Variants in RHOU observed in about 807,000 individuals in gnomAD.
RHOU encodes the protein rho-related GTP-binding protein RhoU.
In RHOU, 8 loss-of-function variants were observed where a neutral mutation model predicts 12.6. The ratio of observed to expected loss-of-function variants is 0.64; its 90% confidence interval spans 0.37 to 1.15. The LOEUF (loss-of-function observed/expected upper bound fraction) is 1.15. Among genes scored for constraint, RHOU ranks in the 50% most tolerant of loss-of-function variants. The pLI is 0.01. For missense variants in RHOU, 258 were observed against 347.0 expected (o/e 0.74, Z 2.04); for synonymous variants, 161 against 147.4 (o/e 1.09, Z -0.67).
chr1:228,685,880 A>C, the RHOU span, among the ~76,000 whole-genome samples: 1 of 152,182 alleles, frequency 6.6e-6, no homozygotes, highest in African/African-American at 2.4e-5. Flanking sequence ...GCAACCCTTA[A>C]TTATCCCCAG....
At chr1:228,723,786 A>G in the RHOU span, among the ~76,000 whole-genome samples, 1 of 152,278 alleles carries the variant, frequency 6.6e-6, no homozygotes, top group East Asian at 1.9e-4. Flanking sequence ...CAGAATTTAC[A>G]CCATCTTTAC....
chr1:228,724,132 T>C, the RHOU span, among the ~76,000 whole-genome samples: 2 of 152,216 alleles, frequency 1.3e-5, no homozygotes, highest in African/African-American at 4.8e-5. Flanking sequence ...TCGTGGAGTG[T>C]CTGTGTGCTC....
the RHOU span, chr1:228,687,772 C>T: frequency 6.6e-6 from 9 of 1,367,098 alleles, no homozygotes; most frequent in African/African-American, 5.7e-5. Context: ...GAATCTGGCT[C>T]GGCGGAATAC....
At chr1:228,657,279 C>CAAAAAA in the RHOU span, among the ~76,000 whole-genome samples, 17 of 27,964 alleles carry the variant, frequency 6.1e-4, no homozygotes, top group East Asian at 1.2e-3. Flanking sequence ...AACTCCATCT[C>CAAAAAA]AAAAAAAAAA....
chr1:228,698,577 T>A, the RHOU span, among the ~76,000 whole-genome samples: 1 of 152,246 alleles, frequency 6.6e-6, no homozygotes. Flanking sequence ...TACAGCCTTG[T>A]AGAAATTTAT....
chr1:228,703,490 C>T, the RHOU span, among the ~76,000 whole-genome samples: 1 of 150,844 alleles, frequency 6.6e-6, no homozygotes, highest in Non-Finnish European at 1.5e-5. Flanking sequence ...CGCGCCACTG[C>T]ACTCCAGACT....
chr1:228,745,747 A>C lies in RHOU; in HGVS notation c.*2007A>C, dbSNP rs1052345095. On this transcript the variant is annotated 3_prime_UTR_variant, in exon 3 of 3. Transcript: ENST00000366691. ...CTATCTGTGGAAAGCTAGGCTTCCC[A>C]GGCTGGGCTCTGCCTGTCTGGTGCC... The C allele has an allele frequency of 6.6e-6, 1 of 152,246 alleles. No homozygotes were observed. The highest frequency in any genetic ancestry group is 1.5e-5 in the Non-Finnish European group (1 of 68,044). 9.4% of individuals were successfully genotyped at this position (152,246 alleles called of 1,614,324 possible).
At chr1:228,703,188 C>T in the RHOU span, among the ~76,000 whole-genome samples, 1 of 152,070 alleles carries the variant, frequency 6.6e-6, no homozygotes, top group East Asian at 1.9e-4. Context: ...TCTCAGACAC[C>T]CTTTCAAATG....
upstream of RHOU, among the ~76,000 whole-genome samples, chr1:228,733,813 T>C (rs143944778): frequency 3.6e-3 from 547 of 152,310 alleles, 4 homozygotes; most frequent in Non-Finnish European, 4.0e-3. Flanking sequence ...CATATCTACA[T>C]AGGAGAACTG....
At chr1:228,730,068 A>T in the RHOU span, among the ~76,000 whole-genome samples, 122 of 151,398 alleles carry the variant, frequency 8.1e-4, 1 homozygote, top group East Asian at 0.021. Context: ...TTTCCTTGTC[A>T]TTTTTTTTTC....
At chr1:228,718,875 C>T in the RHOU span, among the ~76,000 whole-genome samples, 3 of 152,306 alleles carry the variant, frequency 2.0e-5, no homozygotes, top group African/African-American at 4.8e-5. Flanking sequence ...GAGTGCATCT[C>T]TTACTAGGCA....
chr1:228,688,594 A>G, the RHOU span, among the ~76,000 whole-genome samples: 1 of 152,178 alleles, frequency 6.6e-6, no homozygotes, highest in Non-Finnish European at 1.5e-5. Flanking sequence ...CTTTCCTGCA[A>G]ACCTTCCTGC....
the RHOU span, among the ~76,000 whole-genome samples, chr1:228,670,782 T>C: frequency 6.6e-6 from 1 of 152,186 alleles, no homozygotes; most frequent in Non-Finnish European, 1.5e-5. Context: ...GTTCTCATGA[T>C]AGTGAGTGAG....
At chr1:228,699,557 T>C in the RHOU span, among the ~76,000 whole-genome samples, 5 of 151,854 alleles carry the variant, frequency 3.3e-5, 1 homozygote, top group East Asian at 9.7e-4. Context: ...CTTCAAGTGA[T>C]TATTTCATAA....
chr1:228,663,956 TCTCCCCTCCC>T, the RHOU span, among the ~76,000 whole-genome samples: 1 of 134,532 alleles, frequency 7.4e-6, no homozygotes, highest in Non-Finnish European at 1.6e-5. Context: ...TTCTTTTTCT[TCTCCCCTCCC>T]CTCCCCTCCC....
rs1662664862 is a variant in RHOU at position 228,738,827 on chromosome 1, G to A, written c.321+1096G>A. On this transcript the variant is annotated intron_variant, in intron 2 of 2. Transcript: ENST00000366691. The surrounding 1 kb of genome is among the most constrained non-coding windows in gnomAD (Gnocchi z 4.2). ...AACCAAGCACTGTCCGTATTGTATT[G>A]TCTGTAGAAAACAAAAATCAGGCTG... 6.6e-6 allele frequency among the ~76,000 whole-genome samples: 1 copy of A among 152,192 alleles called. No homozygotes were observed. Among genetic ancestry groups the A allele is most frequent in the Non-Finnish European group, 1.5e-5 (1 of 68,034 alleles).
the RHOU span, among the ~76,000 whole-genome samples, chr1:228,680,898 G>A: frequency 6.6e-6 from 1 of 152,170 alleles, no homozygotes; most frequent in East Asian, 1.9e-4. Context: ...TGGGGAATCT[G>A]CCTGATAGTT....
chr1:228,730,152 G>A, the RHOU span, among the ~76,000 whole-genome samples: 3 of 152,174 alleles, frequency 2.0e-5, no homozygotes, highest in African/African-American at 7.2e-5. Context: ...GCCACTCCAA[G>A]GTACAGGGTT....
chr1:228,733,996 T>C (rs1261433990), upstream of RHOU, among the ~76,000 whole-genome samples: 1 of 152,128 alleles, frequency 6.6e-6, no homozygotes, highest in African/African-American at 2.4e-5. Context: ...AAATTTTGCA[T>C]CCTTGACATC....
Sources: gnomAD v4.1 joint callset for allele counts (sites outside exome capture counted in the v4.1 genomes callset) on GRCh38, gnomAD v4.1.1 for gene constraint, Gnocchi (gnomAD v3.1) non-coding constraint, MANE v1.5 for transcripts, NCBI Gene and HGNC (gene_info 2026-07-23, HGNC 2026-07-21) for gene names.